ROS1: variants seen among roughly 807,000 people sequenced by gnomAD.
The protein encoded by ROS1 is proto-oncogene tyrosine-protein kinase ROS.
Under a neutral mutation model 273.5 loss-of-function variants are expected in ROS1, and 263 were observed. The ratio of observed to expected loss-of-function variants is 0.96; its 90% CI spans 0.87 to 1.06. ROS1 has a LOEUF of 1.06. Ranked by LOEUF, ROS1 falls within the 50% of genes least tolerant of loss-of-function variation. The probability of loss-of-function intolerance (pLI) is 0.00; values close to 1 mark genes in which losing one functional copy is unlikely to be tolerated. For missense variants in ROS1, 2,833 were observed against 2,751.1 expected, an observed-to-expected ratio of 1.03 and a Z score of -0.67; for synonymous variants, 1,008 against 954.1, an observed-to-expected ratio of 1.06 and a Z score of -1.04.
intron 36 of ROS1, 62 bp downstream of exon 36, chr6:117,321,197 C>A (rs916536059): frequency 6.4e-7 from 1 of 1,555,574 alleles, no homozygotes. Flanking sequence ...TTCATAGGCA[C>A]TCTCCTTACT....
rs555269763 is a variant in ROS1, at chr6:117,413,108, C to T, written c.255+1411G>A. The stretch of plus-strand genomic sequence containing the variant: ...AATTTTTATAACCAACCAGTAACAA[C>T]TGAGAAAACATGCCAATTTAATTTT... On this transcript the variant is annotated intron_variant, in intron 4 of 43. Coordinates refer to ENST00000368507, the MANE Select transcript of ROS1 (RefSeq NM_001378902.1). Among the ~76,000 whole-genome samples the T allele has an allele frequency of 5.3e-5, 8 of 152,268 alleles. No homozygotes were observed. The South Asian group carries it at 1.2e-3, about 24-fold the overall frequency.
chr6:117,332,295 C>T (rs997174646), intron 32 of ROS1, among the ~76,000 whole-genome samples: 4 of 151,996 alleles, frequency 2.6e-5, no homozygotes, highest in African/African-American at 9.7e-5. Flanking sequence ...GAAGAGTTAA[C>T]TATTCTGAAT....
intron 37 of ROS1, among the ~76,000 whole-genome samples, chr6:117,319,600 G>C (rs1421462302): frequency 2.0e-5 from 3 of 152,092 alleles, no homozygotes; most frequent in South Asian, 4.1e-4. Context: ...CTTATGGCAT[G>C]TTTGAAGAAA....
At position 117,359,940 on chromosome 6, in the gene ROS1, G is replaced by C. The variant is rs2128648967; in HGVS notation, c.3502C>G (p.Gln1168Glu). The change falls in exon 24 of 44, where the codon CAA becomes GAA. Residue 1168 changes from glutamine (Q) to glutamate (E), a missense_variant. Physicochemically the swap from Gln to Glu is conservative, Grantham distance 29 (BLOSUM62 2). Transcript: ENST00000368507. ...TCTGCTGAAAACGTCCACACAACTT[G>C]ATTTTGATCCATATCTAAAAAAACT... ...KIVFLDMDQN[Q>E]VVWTFSAERV... 1 of 1,613,842 alleles carries C rather than the reference G, an allele frequency of 6.2e-7. No individual in the cohort carries two copies. Among genetic ancestry groups the C allele is most frequent in the Admixed American group, 1.7e-5 (1 of 59,996 alleles).
rs1773480395 is a variant in ROS1 at position 117,396,284 on chromosome 6, G to T, written c.807-20C>A. The stretch of plus-strand genomic sequence containing the variant: ...GAAAACCTATTCCAAAAACAATTTG[G>T]AGAGACGTGTTTCACATGGCATGGT... On this transcript the variant is annotated intron_variant, in intron 8 of 43. Coordinates refer to ENST00000368507, the MANE Select transcript of ROS1 (RefSeq NM_001378902.1). 6.4e-7 allele frequency: 1 copy of T among 1,572,980 alleles called. No individual in the cohort carries two copies. The highest frequency in any genetic ancestry group is 1.3e-5 in the African/African-American group (1 of 74,160).
intron 31 of ROS1, among the ~76,000 whole-genome samples, chr6:117,340,141 C>A (rs1777814412): frequency 1.3e-5 from 2 of 152,230 alleles, no homozygotes; most frequent in Non-Finnish European, 2.9e-5. Context: ...AATTTAACTG[C>A]ATTTTTATAA....
At position 117,350,804 on chromosome 6, in the gene ROS1, C is replaced by CATATGTT. The variant is rs1363128158; in HGVS notation, c.4303+2185_4303+2186insAACATAT. ...ACTATTAAGCCCATCAAACATTCCT[C>CATATGTT]ACATGTTACAGTGTTTTTATCTCTA... is the stretch of plus-strand genomic sequence containing the variant. On this transcript the variant is annotated intron_variant, in intron 27 of 43. Transcript: ENST00000368507. 5.3e-5 allele frequency among the ~76,000 whole-genome samples: 8 copies of CATATGTT among 151,674 alleles called. No individual in the cohort carries two copies. The East Asian group carries it at 1.6e-3, about 30-fold the overall frequency.
At chr6:117,404,485 G>T in intron 5 of ROS1, 57 bp from the exon 6 acceptor site, 2 of 1,528,176 alleles carry the variant, frequency 1.3e-6, no homozygotes, top group Non-Finnish European at 1.8e-6. Context: ...GCGCAAGAGA[G>T]TGTGTGCCTC....
intron 43 of ROS1, among the ~76,000 whole-genome samples, chr6:117,299,899 T>C (rs1211621650): frequency 6.6e-6 from 1 of 150,946 alleles, no homozygotes; most frequent in Non-Finnish European, 1.5e-5. Flanking sequence ...TCCATTATAG[T>C]AGAATGGTTC....
At chr6:117,316,880 C>T (rs1441198465) in intron 39 of ROS1, among the ~76,000 whole-genome samples, 1 of 151,992 alleles carries the variant, frequency 6.6e-6, no homozygotes, top group Non-Finnish European at 1.5e-5. Context: ...CCCTGTGCTC[C>T]AGAAAAACAT....
intron 32 of ROS1, among the ~76,000 whole-genome samples, chr6:117,336,750 T>C (rs1163090441): frequency 6.6e-6 from 1 of 152,102 alleles, no homozygotes; most frequent in African/African-American, 2.4e-5. Flanking sequence ...CCTTCCATTC[T>C]TATAGAGCTC....
intron 26 of ROS1, 47 bp downstream of exon 26, chr6:117,356,582 G>T: frequency 1.3e-6 from 2 of 1,542,354 alleles, no homozygotes; most frequent in Non-Finnish European, 8.8e-7. Flanking sequence ...CAGTTGAAGG[G>T]GCTGCTCTTA....
intron 36 of ROS1, among the ~76,000 whole-genome samples, chr6:117,320,592 C>A (rs780091115): frequency 6.6e-6 from 1 of 152,074 alleles, no homozygotes; most frequent in Non-Finnish European, 1.5e-5. Flanking sequence ...AATAGAGAAT[C>A]TTGAGTAGCA....
At chr6:117,349,834 A>C (rs928168668) in intron 27 of ROS1, among the ~76,000 whole-genome samples, 1 of 152,022 alleles carries the variant, frequency 6.6e-6, no homozygotes, top group Non-Finnish European at 1.5e-5. Flanking sequence ...ATACCACTTC[A>C]CAGGTTTGCA....
At chr6:117,311,857 G>A (rs978537078) in intron 39 of ROS1, among the ~76,000 whole-genome samples, 5 of 152,210 alleles carry the variant, frequency 3.3e-5, no homozygotes, top group Middle Eastern at 3.4e-3. Context: ...CTGCCCTGAA[G>A]CTATATTACA....
intron 33 of ROS1, chr6:117,328,707 T>C (rs1282870027): frequency 1.6e-6 from 1 of 610,576 alleles, no homozygotes; most frequent in African/African-American, 1.8e-5. Flanking sequence ...CAAGTTGGCA[T>C]GAAATCAGTC....
At chr6:117,299,548 G>A (rs1774517785) in intron 43 of ROS1, 1 of 152,232 alleles carries the variant, frequency 6.6e-6, no homozygotes, top group African/African-American at 2.4e-5. Context: ...TAATAAAGGT[G>A]TGCAAGTAGC....
At chr6:117,346,570 CT>C (rs1420973253) in intron 27 of ROS1, among the ~76,000 whole-genome samples, 17 of 146,796 alleles carry the variant, frequency 1.2e-4, no homozygotes, top group African/African-American at 1.5e-4. Context: ...GCATGGACGT[CT>C]TTTTTTTTTG....
chr6:117,409,432 T>A, intron 5 of ROS1, 150 bp downstream of exon 5: 2 of 654,830 alleles, frequency 3.1e-6, no homozygotes, highest in Non-Finnish European at 5.5e-6. Context: ...CCTATACGTT[T>A]GAAATTATTG....
Sources: allele counts gnomAD v4.1 joint callset (sites outside exome capture counted in the v4.1 genomes callset), GRCh38; gene constraint gnomAD v4.1.1; transcripts MANE v1.5; gene names NCBI Gene and HGNC (gene_info 2026-07-23, HGNC 2026-07-21).